Variants in ASTN2 observed in about 807,000 individuals in gnomAD.
ASTN2 encodes the protein astrotactin-2.
ASTN2 carries 54 observed loss-of-function variants against 139.8 expected under a neutral mutation model. That is an observed-to-expected ratio of 0.39 (90% CI 0.31 to 0.48). The LOEUF (loss-of-function observed/expected upper bound fraction) is 0.48, where lower values mean the gene tolerates loss of function less well. ASTN2 is among the 20% of genes least tolerant of loss of function. The probability of loss-of-function intolerance (pLI) is 0.95; values close to 1 mark genes in which losing one functional copy is unlikely to be tolerated. For missense variants in ASTN2, 1,565 were observed against 1,725.1 expected, an observed-to-expected ratio of 0.91 and a Z score of 1.64; for synonymous variants, 756 against 719.5, an observed-to-expected ratio of 1.05 and a Z score of -0.81.
intron 17 of ASTN2, among the ~76,000 whole-genome samples, chr9:116,646,614 T>C (rs1052431176): frequency 1.3e-5 from 2 of 152,198 alleles, no homozygotes; most frequent in African/African-American, 2.4e-5. Flanking sequence ...CTGGCTCCTT[T>C]GGAAATGTCT....
intron 16 of ASTN2, among the ~76,000 whole-genome samples, chr9:116,663,143 A>G (rs1858660927): frequency 6.6e-6 from 1 of 152,240 alleles, no homozygotes; most frequent in South Asian, 2.1e-4. Context: ...GTCAAAGAGG[A>G]AATGCTCAGA....
rs150983009 is a variant in ASTN2 at position 116,772,127 on chromosome 9, G to C, written c.2396+33505C>G. 1.9e-3 allele frequency among the ~76,000 whole-genome samples: 289 copies of C among 152,348 alleles called. 1 individual carries two copies. The highest frequency in any genetic ancestry group is 6.6e-3 in the African/African-American group (276 of 41,584). ...AAAAAGTTGATAAGGAACCCAATTA[G>C]AGAACTGCAAATGCAAAGACTAGAT... On this transcript the variant is annotated intron_variant, in intron 13 of 22. Transcript: ENST00000313400.
chr9:116,426,050 C>T lies in ASTN2; in HGVS notation c.3821G>A (p.Ser1274Asn), dbSNP rs368407220. 2.1e-5 allele frequency: 34 copies of T among 1,613,530 alleles called. No individual in the cohort carries two copies. The highest frequency in any genetic ancestry group is 2.9e-5 in the Non-Finnish European group (34 of 1,179,982). The change falls in exon 23 of 23, where the codon AGT becomes AAT. Residue 1274 changes from serine to asparagine, a missense_variant. Physicochemically the swap from Ser to Asn is conservative, Grantham distance 46. This residue lies in a region of ASTN2 where 418 missense variants were observed against 465.8 expected (regional missense o/e 0.90). Transcript: ENST00000313400. ...CCGCAGGAGGCTGGAGCAGTGGCTACTCACCCTCTCCAGTCGCCGTAGAAT... is the reference window on the plus strand; with the variant it reads ...CCGCAGGAGGCTGGAGCAGTGGCTATTCACCCTCTCCAGTCGCCGTAGAAT... ...HLILRRLERV[S>N]SHCSSLLRSA...
At chr9:116,907,751 G>C (rs535370009) in intron 10 of ASTN2, among the ~76,000 whole-genome samples, 4 of 152,182 alleles carry the variant, frequency 2.6e-5, no homozygotes, top group Non-Finnish European at 5.9e-5. Context: ...GTGAAGGATG[G>C]GCGGAAATGG....
chr9:117,042,539 G>A (rs1838609214), intron 5 of ASTN2, among the ~76,000 whole-genome samples: 1 of 151,930 alleles, frequency 6.6e-6, no homozygotes, highest in African/African-American at 2.4e-5. Flanking sequence ...TCCAAAGATG[G>A]GGAATCTCTA....
intron 11 of ASTN2, among the ~76,000 whole-genome samples, chr9:116,852,731 A>C (rs1832643002): frequency 6.6e-6 from 1 of 152,158 alleles, no homozygotes; most frequent in Non-Finnish European, 1.5e-5. Flanking sequence ...TAAAAGACAA[A>C]AGAATGATGA....
chr9:116,831,847 AATTCGAGGCATGTGGAC>A (rs1479778321), intron 11 of ASTN2, among the ~76,000 whole-genome samples: 1 of 152,188 alleles, frequency 6.6e-6, no homozygotes, highest in Non-Finnish European at 1.5e-5. Context: ...CCTTTATATC[AATTCGAGGCATGTGGAC>A]ATCTTTATTA....
At chr9:116,845,193 C>A (rs543738579) in intron 11 of ASTN2, among the ~76,000 whole-genome samples, 5 of 152,304 alleles carry the variant, frequency 3.3e-5, no homozygotes, top group Admixed American at 2.6e-4. Context: ...CGGCTCAATG[C>A]AAGCTCCACC....
chr9:117,101,131 A>C (rs1828967041), intron 4 of ASTN2, among the ~76,000 whole-genome samples: 2 of 152,188 alleles, frequency 1.3e-5, no homozygotes, highest in African/African-American at 4.8e-5. Flanking sequence ...TGTGTTTAAC[A>C]GAATGAAAGG....
intron 1 of ASTN2, among the ~76,000 whole-genome samples, chr9:117,363,426 G>T (rs1367244474): frequency 6.6e-6 from 1 of 152,152 alleles, no homozygotes; most frequent in Non-Finnish European, 1.5e-5. Flanking sequence ...GAAGAAATAT[G>T]AAAATTGTTC....
intron 1 of ASTN2, among the ~76,000 whole-genome samples, chr9:117,320,631 C>T (rs113346387): frequency 5.3e-5 from 8 of 152,286 alleles, no homozygotes; most frequent in African/African-American, 1.9e-4. Context: ...TCTGCCCCTC[C>T]TTAGTGACTA....
At chr9:116,999,544 CTTTCTTT>C (rs1837127841) in intron 7 of ASTN2, among the ~76,000 whole-genome samples, 2 of 103,704 alleles carry the variant, frequency 1.9e-5, no homozygotes, top group Non-Finnish European at 3.7e-5. Flanking sequence ...TTCTTTCTCT[CTTTCTTT>C]TTTTTTTTTT....
chr9:117,340,648 C>T (rs1441730985), intron 1 of ASTN2, among the ~76,000 whole-genome samples: 16 of 152,142 alleles, frequency 1.1e-4, no homozygotes, highest in Admixed American at 1.0e-3. Flanking sequence ...CTCATAAAAT[C>T]ACTGTCACTG....
intron 1 of ASTN2, among the ~76,000 whole-genome samples, chr9:117,372,081 C>T (rs906188735): frequency 4.6e-5 from 7 of 152,130 alleles, no homozygotes; most frequent in African/African-American, 1.7e-4. Context: ...AAAGTAGATA[C>T]TGATATTTCT....
intron 16 of ASTN2, among the ~76,000 whole-genome samples, chr9:116,696,950 T>TAAAAAAAAAAAA (rs11400163): frequency 7.3e-6 from 1 of 137,124 alleles, no homozygotes; most frequent in African/African-American, 2.7e-5. Context: ...GTGACATGAT[T>TAAAAAAAAAAAA]AAAAAAAAAA....
At chr9:117,268,701 T>C (rs1833991939) in intron 2 of ASTN2, among the ~76,000 whole-genome samples, 1 of 152,168 alleles carries the variant, frequency 6.6e-6, no homozygotes, top group African/African-American at 2.4e-5. Context: ...GTCCCTTGTT[T>C]CAAGCGGGTC....
intron 11 of ASTN2, among the ~76,000 whole-genome samples, chr9:116,836,258 C>T (rs1831988090): frequency 6.6e-6 from 1 of 152,110 alleles, no homozygotes; most frequent in Non-Finnish European, 1.5e-5. Flanking sequence ...AATGTCCTGG[C>T]TTTCTACTAG....
chr9:116,438,934 C>T (rs575966309), intron 22 of ASTN2, among the ~76,000 whole-genome samples: 1 of 152,076 alleles, frequency 6.6e-6, no homozygotes, highest in Non-Finnish European at 1.5e-5. Flanking sequence ...TGGCCAATAA[C>T]AGCGAAACTC....
At position 116,425,869 on chromosome 9, in the gene ASTN2, C is replaced by T; in HGVS notation, c.4002G>A (p.Gly1334=). The T allele has an allele frequency of 6.2e-7, 1 of 1,614,138 alleles. No homozygotes were observed. Among genetic ancestry groups the T allele is most frequent in the Non-Finnish European group, 8.5e-7 (1 of 1,180,030 alleles). The change falls in exon 23 of 23, where the codon GGG becomes GGA. Residue 1334 remains glycine, a synonymous_variant. Coordinates refer to ENST00000313400, the MANE Select transcript of ASTN2 (RefSeq NM_001365068.1). The stretch of plus-strand genomic sequence containing the variant: ...CCCTCCCTCACCGGCCCTTGGACTC[C>T]CCGTACGTGTTTCGGGCCATTGACA... ...KMVSMARNTY[G]ESKGR is the part of the protein sequence containing the mutation.
Sources: gnomAD v4.1 joint callset for allele counts (sites outside exome capture counted in the v4.1 genomes callset) on GRCh38, gnomAD v4.1.1 for gene constraint, gnomAD v4.1.1 regional missense constraint, MANE v1.5 for transcripts, NCBI Gene and HGNC (gene_info 2026-07-23, HGNC 2026-07-21) for gene names.